The following ROR1 variants were observed in gnomAD, a reference collection of about 807,000 sequenced individuals.
The protein encoded by ROR1 is ROR family WNT receptor 1.
In ROR1, 19 loss-of-function variants were observed where a neutral mutation model predicts 78.8. The ratio of observed to expected loss-of-function variants is 0.24; its 90% CI spans 0.17 to 0.35. The LOEUF (loss-of-function observed/expected upper bound fraction) is 0.35. Among genes scored for constraint, ROR1 ranks in the 10% least tolerant of loss-of-function variants. ROR1 has a pLI of 1.00. For synonymous variants in ROR1, 386 were observed against 433.6 expected (o/e 0.89, Z 1.36); for missense variants, 917 against 1,177.8 (o/e 0.78, Z 3.24).
chr1:63,998,630 A>G (rs991540484), intron 1 of ROR1, among the ~76,000 whole-genome samples: 5 of 152,220 alleles, frequency 3.3e-5, no homozygotes, highest in Admixed American at 6.5e-5. Context: ...AGTGTAAACT[A>G]GAAAGACAAA....
chr1:63,813,785 G>A (rs1272288711), intron 1 of ROR1, among the ~76,000 whole-genome samples: 1 of 152,202 alleles, frequency 6.6e-6, no homozygotes, highest in Non-Finnish European at 1.5e-5. Flanking sequence ...CATATTTATT[G>A]CTTTAGATAG....
chr1:63,895,687 T>A (rs1486223603), intron 1 of ROR1, among the ~76,000 whole-genome samples: 3 of 152,182 alleles, frequency 2.0e-5, no homozygotes, highest in Non-Finnish European at 4.4e-5. Context: ...CCTGTCATTT[T>A]CCCACGAAGG....
chr1:64,139,164 C>CAAAA (rs755368714), intron 5 of ROR1, among the ~76,000 whole-genome samples: 55 of 20,658 alleles, frequency 2.7e-3, no homozygotes, highest in African/African-American at 7.7e-3. Context: ...GAGACTGTCT[C>CAAAA]AAAAAAAAAA....
chr1:64,046,999 G>A (rs1448721367), intron 2 of ROR1, among the ~76,000 whole-genome samples: 1 of 152,196 alleles, frequency 6.6e-6, no homozygotes, highest in Non-Finnish European at 1.5e-5. Flanking sequence ...GTCCAGAACT[G>A]GCCAGCTGCC....
intron 4 of ROR1, among the ~76,000 whole-genome samples, chr1:64,056,733 T>G (rs2100600161): frequency 6.6e-6 from 1 of 152,064 alleles, no homozygotes; most frequent in African/African-American, 2.4e-5. Flanking sequence ...AAATGGTATC[T>G]CATTGTGGTT....
At chr1:64,104,451 A>G (rs535273488) in intron 4 of ROR1, among the ~76,000 whole-genome samples, 1 of 152,158 alleles carries the variant, frequency 6.6e-6, no homozygotes, top group South Asian at 2.1e-4. Flanking sequence ...GCATGAAGTC[A>G]TATACATCCT....
chr1:63,862,064 T>C (rs1645185290), intron 1 of ROR1, among the ~76,000 whole-genome samples: 1 of 152,188 alleles, frequency 6.6e-6, no homozygotes, highest in Admixed American at 6.5e-5. Context: ...TTTCAGGGTC[T>C]GTCTTACTGT....
At chr1:63,959,489 T>C (rs2100482854) in intron 1 of ROR1, among the ~76,000 whole-genome samples, 1 of 152,350 alleles carries the variant, frequency 6.6e-6, no homozygotes, top group Middle Eastern at 3.4e-3. Flanking sequence ...ATGGCTTCAG[T>C]TGATTTCCTC....
At chr1:63,832,492 A>G (rs1451193748) in intron 1 of ROR1, among the ~76,000 whole-genome samples, 1 of 152,192 alleles carries the variant, frequency 6.6e-6, no homozygotes, top group Non-Finnish European at 1.5e-5. Flanking sequence ...GGGGATTACA[A>G]TTCGAGATGA....
chr1:64,174,035 G>A (rs1451545977), intron 8 of ROR1, among the ~76,000 whole-genome samples: 1 of 151,988 alleles, frequency 6.6e-6, no homozygotes, highest in African/African-American at 2.4e-5. Context: ...CAGGAAGAAA[G>A]TTAAACACTC....
At chr1:63,964,118 C>G (rs1332738854) in intron 1 of ROR1, among the ~76,000 whole-genome samples, 1 of 152,150 alleles carries the variant, frequency 6.6e-6, no homozygotes, top group Admixed American at 6.5e-5. Context: ...TATGATCATC[C>G]TTATTTGACA....
At chr1:64,054,100 C>T (rs940682059) in intron 4 of ROR1, among the ~76,000 whole-genome samples, 12 of 152,184 alleles carry the variant, frequency 7.9e-5, no homozygotes, top group Admixed American at 4.6e-4. Flanking sequence ...ACCACAGGCA[C>T]GCACTACCGT....
rs1466753842 is a variant in ROR1, at chr1:64,142,409, C to T, written c.933C>T (p.His311=). ...GGGTTTTTGTGTGTTTTTCAGATCA[C>T]AAGTGTTATAACAGCACAGGTGTGG... ...IPMADPINKN[H]KCYNSTGVDY... is the part of the protein sequence containing the mutation. The change falls in exon 7 of 9, where the codon CAC becomes CAT. Residue 311 remains histidine (H), a synonymous_variant. Transcript: ENST00000371079. 6.2e-7 allele frequency: 1 copy of T among 1,613,988 alleles called. No individual in the cohort carries two copies. Among genetic ancestry groups the T allele is most frequent in the Non-Finnish European group, 8.5e-7 (1 of 1,179,976 alleles).
intron 1 of ROR1, among the ~76,000 whole-genome samples, chr1:63,860,356 T>C (rs1405452183): frequency 1.3e-5 from 2 of 151,972 alleles, no homozygotes; most frequent in Non-Finnish European, 2.9e-5. Flanking sequence ...TATGAAAATA[T>C]AAAATAACAA....
chr1:63,839,673 C>CT (rs1357810604), intron 1 of ROR1, among the ~76,000 whole-genome samples: 2 of 152,002 alleles, frequency 1.3e-5, no homozygotes, highest in Non-Finnish European at 2.9e-5. Context: ...TCCTTGCAGG[C>CT]TTTTTTGCCC....
At chr1:63,924,609 G>C (rs2100434345) in intron 1 of ROR1, among the ~76,000 whole-genome samples, 1 of 152,316 alleles carries the variant, frequency 6.6e-6, no homozygotes, top group East Asian at 1.9e-4. Context: ...AGAGCTCACT[G>C]TGTGCTGCTC....
chr1:63,883,296 C>A (rs1645335318), intron 1 of ROR1, among the ~76,000 whole-genome samples: 1 of 152,060 alleles, frequency 6.6e-6, no homozygotes, highest in Non-Finnish European at 1.5e-5. Context: ...AAATTTGAGC[C>A]CAACCTTTAA....
intron 4 of ROR1, 126 bp from the exon 5 acceptor site, chr1:64,137,243 C>G (rs944303532): frequency 6.7e-6 from 6 of 900,746 alleles, no homozygotes; most frequent in Admixed American, 2.6e-5. Flanking sequence ...TTCCTTAGCC[C>G]AGTCTTTTGT....
intron 7 of ROR1, chr1:64,142,978 C>A: frequency 9.0e-7 from 1 of 1,114,526 alleles, no homozygotes; most frequent in Admixed American, 4.5e-5. Context: ...GGTCTGCGTC[C>A]AAGTGGACCT....
Sources: gnomAD v4.1 joint callset for allele counts (sites outside exome capture counted in the v4.1 genomes callset) on GRCh38, gnomAD v4.1.1 for gene constraint, MANE v1.5 for transcripts, NCBI Gene and HGNC (gene_info 2026-07-23, HGNC 2026-07-21) for gene names.